The following XPO7 variants were observed in gnomAD, a reference collection of about 807,000 sequenced individuals.
XPO7 encodes exportin 7, also known as exportin-7.
A neutral mutation model predicts 144.3 loss-of-function variants in XPO7; 21 were observed. The ratio of observed to expected loss-of-function variants is 0.15; its 90% CI spans 0.10 to 0.21. XPO7 has a LOEUF of 0.21. Among genes scored for constraint, XPO7 ranks in the 10% least tolerant of loss-of-function variants. XPO7 has a pLI of 1.00. For missense variants in XPO7, 808 were observed against 1,325.8 expected, an observed-to-expected ratio of 0.61 and a Z score of 6.06; for synonymous variants, 580 against 499.6, an observed-to-expected ratio of 1.16 and a Z score of -2.15.
At chr8:21,998,432 C>T (rs1016542362) in intron 21 of XPO7, among the ~76,000 whole-genome samples, 1 of 152,080 alleles carries the variant, frequency 6.6e-6, no homozygotes, top group South Asian at 2.1e-4. Context: ...CAGAGTAAGA[C>T]TCCATCTCAA....
At chr8:21,955,275 A>G (rs1190366680) in intron 1 of XPO7, among the ~76,000 whole-genome samples, 1 of 152,230 alleles carries the variant, frequency 6.6e-6, no homozygotes, top group East Asian at 1.9e-4. Flanking sequence ...TGAAGGTGGC[A>G]AAAGCCAGGT....
Position 21,977,809 on chromosome 8 carries a change from T to C in XPO7, c.803T>C (p.Leu268Pro). 2 of 1,614,030 alleles carry C rather than the reference T, an allele frequency of 1.2e-6. No homozygotes were observed. The highest frequency in any genetic ancestry group is 8.5e-7 in the Non-Finnish European group (1 of 1,179,890). The stretch of plus-strand genomic sequence containing the variant: ...TCAACCTTGCAGCTGTTTTTTGACC[T>C]GTATCATTCCATCCCTCCTTCATTT... ...DSSTLQLFFD[L>P]YHSIPPSFSP... The change falls in exon 8 of 28, where the codon CTG (leucine) becomes CCG (proline). Residue 268 changes from leucine (L) to proline (P), a missense_variant. Leu to Pro is a moderately conservative substitution (Grantham distance 98). Transcript: ENST00000252512.
Position 22,003,330 on chromosome 8 carries a change from G to A in XPO7, c.3042+13G>A. ...GCTTAATGAAAAGGTGAGAGAGCCA[G>A]CTCCCTGGTGCCAACCCAGAAGCAG... On this transcript the variant is annotated intron_variant, in intron 26 of 27. Transcript: ENST00000252512. 1 of 1,595,018 alleles carries A rather than the reference G, an allele frequency of 6.3e-7. No homozygotes were observed. Among genetic ancestry groups the A allele is most frequent in the Non-Finnish European group, 8.5e-7 (1 of 1,169,662 alleles).
chr8:21,946,821 C>T (rs1215377856), intron 1 of XPO7, among the ~76,000 whole-genome samples: 1 of 151,886 alleles, frequency 6.6e-6, no homozygotes, highest in African/African-American at 2.4e-5. Context: ...AAAGACAAAA[C>T]ATCTTATCAG....
intron 1 of XPO7, among the ~76,000 whole-genome samples, chr8:21,939,310 C>T (rs373473486): frequency 5.5e-4 from 83 of 151,162 alleles, no homozygotes; most frequent in African/African-American, 2.0e-3. Flanking sequence ...CAAGTTCCTT[C>T]TCCCAGGTTA....
chr8:21,991,173 G>A (rs553200456), intron 18 of XPO7, among the ~76,000 whole-genome samples: 2 of 152,128 alleles, frequency 1.3e-5, no homozygotes, highest in African/African-American at 2.4e-5. Flanking sequence ...CACATTCTTC[G>A]GGTGTTAAAT....
chr8:21,966,358 C>T (rs1312986944), intron 1 of XPO7: 1 of 777,524 alleles, frequency 1.3e-6, no homozygotes, highest in Non-Finnish European at 2.4e-6. Flanking sequence ...TTTTCTCGTA[C>T]AGGTGACCAT....
At chr8:21,993,923 C>T (rs1391143792) in intron 19 of XPO7, among the ~76,000 whole-genome samples, 2 of 150,860 alleles carry the variant, frequency 1.3e-5, no homozygotes, top group African/African-American at 4.9e-5. Flanking sequence ...GTGTCTCTCT[C>T]TCTCTCTCTC....
At chr8:21,920,225 C>T (rs1481305143) in intron 1 of XPO7, among the ~76,000 whole-genome samples, 3 of 151,818 alleles carry the variant, frequency 2.0e-5, no homozygotes, top group Non-Finnish European at 4.4e-5. Flanking sequence ...AAGGAAACCT[C>T]GCGCTGATAA....
intron 1 of XPO7, among the ~76,000 whole-genome samples, chr8:21,927,143 G>T (rs187463924): frequency 6.6e-6 from 1 of 152,100 alleles, no homozygotes; most frequent in African/African-American, 2.4e-5. Context: ...CAGCTACTGG[G>T]GGGGAGGCTA....
chr8:21,982,015 A>T lies in XPO7; in HGVS notation c.1104+138A>T, dbSNP rs575484717. On this transcript the variant is annotated intron_variant, in intron 10 of 27. Transcript: ENST00000252512. ...AGTATAGCCCTACAGAGTAGTTACT[A>T]TTGTGGCCTGTGATTTACATTTACA... is the stretch of plus-strand genomic sequence containing the variant. 5 of 1,132,374 alleles carry T rather than the reference A, an allele frequency of 4.4e-6. No homozygotes were observed. In the South Asian group the frequency reaches 8.5e-5, roughly 19 times the overall value. 70.1% of individuals were successfully genotyped at this position (1,132,374 alleles called of 1,614,324 possible). A position where few individuals can be genotyped will look rare whatever the true frequency, so the allele number is the denominator to read the frequency against.
At chr8:21,954,331 ATAAACT>A (rs550649259) in intron 1 of XPO7, among the ~76,000 whole-genome samples, 47 of 152,326 alleles carry the variant, frequency 3.1e-4, no homozygotes, top group Non-Finnish European at 5.0e-4. Context: ...TCCTAAAAAC[ATAAACT>A]TAAAATAATA....
intron 5 of XPO7, among the ~76,000 whole-genome samples, chr8:21,973,309 T>TA (rs922137894): frequency 6.6e-6 from 1 of 152,204 alleles, no homozygotes; most frequent in Non-Finnish European, 1.5e-5. Context: ...ATATGTATAA[T>TA]AAAAAACTTC....
Position 21,984,633 on chromosome 8 carries a change from C to T in XPO7, c.1278-13C>T, listed in dbSNP as rs1812517501. 1 of 1,601,034 alleles carries T rather than the reference C, an allele frequency of 6.2e-7. No homozygotes were observed. The highest frequency in any genetic ancestry group is 2.2e-5 in the East Asian group (1 of 44,638). Reference sequence around the variant, plus strand: ...TTTTAAGAGAGCTGCCTTCCTTCTTCCCTTGGGAATAGAGATGGCCTGGAA... The same window carrying T: ...TTTTAAGAGAGCTGCCTTCCTTCTTTCCTTGGGAATAGAGATGGCCTGGAA... On this transcript the variant is annotated splice_polypyrimidine_tract_variant and intron_variant, in intron 11 of 27. Transcript: ENST00000252512.
intron 5 of XPO7, among the ~76,000 whole-genome samples, chr8:21,972,413 G>C (rs779273510): frequency 3.3e-5 from 5 of 152,204 alleles, no homozygotes; most frequent in Middle Eastern, 3.4e-3. Flanking sequence ...GGAGGTGGAG[G>C]TTGCAGCGAG....
At chr8:21,996,596 T>C (rs1812956905) in intron 21 of XPO7, among the ~76,000 whole-genome samples, 1 of 152,150 alleles carries the variant, frequency 6.6e-6, no homozygotes, top group Admixed American at 6.5e-5. Context: ...TACCCTTTCT[T>C]AAGAAAGGTA....
At position 21,990,422 on chromosome 8, in the gene XPO7, C is replaced by CT. The variant is rs1331681873; in HGVS notation, c.1932+22dup. ...ACAATCACACGGTGAGTGATTTTAGCTTTTTTTCCTGGCCCTCCTACCACC... is the reference window on the plus strand; with the variant it reads ...ACAATCACACGGTGAGTGATTTTAGCTTTTTTTTCCTGGCCCTCCTACCACC... On this transcript the variant is annotated intron_variant, in intron 17 of 27. Transcript: ENST00000252512. The CT allele has an allele frequency of 2.5e-6, 4 of 1,612,970 alleles. No homozygotes were observed. The highest frequency in any genetic ancestry group is 3.4e-6 in the Non-Finnish European group (4 of 1,179,224).
chr8:21,998,674 G>C, intron 21 of XPO7, 81 bp from the exon 22 acceptor site: 1 of 1,162,326 alleles, frequency 8.6e-7, no homozygotes, highest in Non-Finnish European at 1.3e-6. Flanking sequence ...ATCACCCAAG[G>C]TACTCAGATG....
At chr8:21,959,297 T>G (rs1811642172) in intron 1 of XPO7, among the ~76,000 whole-genome samples, 1 of 152,186 alleles carries the variant, frequency 6.6e-6, no homozygotes, top group Non-Finnish European at 1.5e-5. Flanking sequence ...TCTCCAGAGT[T>G]TTTGGTAGCC....
Sources: allele counts gnomAD v4.1 joint callset (sites outside exome capture counted in the v4.1 genomes callset), GRCh38; gene constraint gnomAD v4.1.1; transcripts MANE v1.5; gene names NCBI Gene and HGNC (gene_info 2026-07-23, HGNC 2026-07-21).